UPF2: variants seen among roughly 807,000 people sequenced by gnomAD.
UPF2 encodes the protein UPF2 regulator of nonsense mediated mRNA decay.
UPF2 carries 17 observed loss-of-function variants against 141.4 expected under a neutral mutation model. That is an observed-to-expected ratio of 0.12 (90% CI 0.08 to 0.18). The LOEUF (loss-of-function observed/expected upper bound fraction) is 0.18. UPF2 is among the 10% of genes least tolerant of loss of function. The pLI is 1.00. For missense variants in UPF2, 1,152 were observed against 1,515.9 expected (o/e 0.76, Z 3.99); for synonymous variants, 540 against 498.0 (o/e 1.08, Z -1.12).
At chr10:11,996,631 A>T (rs1166425584) in intron 8 of UPF2, among the ~76,000 whole-genome samples, 1 of 152,226 alleles carries the variant, frequency 6.6e-6, no homozygotes, top group Non-Finnish European at 1.5e-5. Context: ...GGCCTGAGCC[A>T]CCGCGCCTGG....
chr10:11,985,871 A>C (rs1358141312), intron 8 of UPF2, among the ~76,000 whole-genome samples: 1 of 133,788 alleles, frequency 7.5e-6, no homozygotes, highest in Non-Finnish European at 1.5e-5. Context: ...ACTGAAAAAT[A>C]ATTAGATCCT....
intron 9 of UPF2, among the ~76,000 whole-genome samples, chr10:11,969,283 C>T (rs1029839101): frequency 2.6e-5 from 4 of 151,814 alleles, no homozygotes; most frequent in African/African-American, 9.7e-5. Flanking sequence ...GATTCTCCTG[C>T]CTCAGCCTCC....
chr10:11,960,532 C>T lies in UPF2; in HGVS notation c.2185-1176G>A, dbSNP rs139909409. On this transcript the variant is annotated intron_variant, in intron 11 of 21. Transcript: ENST00000357604. ...ACAGTAAGCTTTGATCATGTCACTG[C>T]ACTCCAGCCTGGGTGATGGAGTGAG... 3.4e-3 allele frequency among the ~76,000 whole-genome samples: 521 copies of T among 152,156 alleles called. 2 individuals are homozygous for T. Among genetic ancestry groups the T allele is most frequent in the Non-Finnish European group, 5.7e-3 (391 of 68,002 alleles).
intron 9 of UPF2, among the ~76,000 whole-genome samples, chr10:11,969,511 T>C (rs1467622307): frequency 1.3e-5 from 2 of 152,032 alleles, no homozygotes. Flanking sequence ...TACAAAATAG[T>C]TTTGCAATTA....
rs763365361 is a variant in UPF2, at chr10:11,935,394, G to A, written c.3546+1151C>T. ...ATACTTGTTAAATGACTGTGTAGAC[G>A]AATGTGGTATTGGACTTGTCTAAGA... On this transcript the variant is annotated intron_variant, in intron 19 of 21. Coordinates refer to ENST00000357604, the MANE Select transcript of UPF2 (RefSeq NM_015542.4). The surrounding 1 kb of genome is among the most constrained non-coding windows in gnomAD (Gnocchi z 4.9). 2.6e-5 allele frequency among the ~76,000 whole-genome samples: 4 copies of A among 151,908 alleles called. No individual in the cohort carries two copies. The highest frequency in any genetic ancestry group is 9.7e-5 in the African/African-American group (4 of 41,344).
Position 11,936,358 on chromosome 10 carries a change from C to T in UPF2, c.3546+187G>A, listed in dbSNP as rs1034906808. ...CCAGCCTGGGCGACAAAGTGAGACG[C>T]CGTCTCAAAAAAAACAAAAACAAAA... On this transcript the variant is annotated intron_variant, in intron 19 of 21. Transcript: ENST00000357604. This position sits in a 1 kb window ranked among gnomAD's most constrained non-coding sequence, Gnocchi z 6.6. 5.3e-5 allele frequency among the ~76,000 whole-genome samples: 8 copies of T among 151,418 alleles called. No individual in the cohort carries two copies. The highest frequency in any genetic ancestry group is 1.9e-4 in the African/African-American group (8 of 41,070).
intron 12 of UPF2, among the ~76,000 whole-genome samples, chr10:11,958,195 TA>T (rs1333957680): frequency 6.6e-6 from 1 of 152,158 alleles, no homozygotes. Context: ...TCTATTACAT[TA>T]AATTTTTTTA....
At chr10:12,021,780 G>A (rs1156933075) in intron 3 of UPF2, among the ~76,000 whole-genome samples, 1 of 152,120 alleles carries the variant, frequency 6.6e-6, no homozygotes, top group East Asian at 1.9e-4. Flanking sequence ...GAAGACCCCA[G>A]AAAAACTGCT....
rs1440307634 is a variant in UPF2, at chr10:11,998,299, T to C, written c.1759-542A>G. 6.6e-6 allele frequency among the ~76,000 whole-genome samples: 1 copy of C among 152,122 alleles called. No homozygotes were observed. The highest frequency in any genetic ancestry group is 2.4e-5 in the African/African-American group (1 of 41,418). The stretch of plus-strand genomic sequence containing the variant: ...AGATGCCTTAACTGACAGAGGAGAA[T>C]TCTTCCAAAAGAAACTCAACTGTCT... On this transcript the variant is annotated intron_variant, in intron 7 of 21. Transcript: ENST00000357604. The surrounding 1 kb of genome is among the most constrained non-coding windows in gnomAD (Gnocchi z 4.5).
Position 11,920,160 on chromosome 10 carries a change from A to T in UPF2, c.*1138T>A, listed in dbSNP as rs1401080639. The T allele has an allele frequency of 2.6e-5, 4 of 152,352 alleles. No individual in the cohort carries two copies. In the East Asian group the frequency reaches 5.8e-4, roughly 22 times the overall value. 9.4% of individuals were successfully genotyped at this position (152,352 alleles called of 1,614,324 possible). A position where few individuals can be genotyped will look rare whatever the true frequency, so the allele number is the denominator to read the frequency against. ...TAAATCTACATGCAGAAACTGAAAC[A>T]TGGTAAAAGAAAAAATGCAAAATAG... On this transcript the variant is annotated 3_prime_UTR_variant, in exon 22 of 22. Coordinates refer to ENST00000357604, the MANE Select transcript of UPF2 (RefSeq NM_015542.4).
Position 11,935,143 on chromosome 10 carries a change from TCCTA to T in UPF2, c.3546+1398_3546+1401del, listed in dbSNP as rs570508563. On this transcript the variant is annotated intron_variant, in intron 19 of 21. Coordinates refer to ENST00000357604, the MANE Select transcript of UPF2 (RefSeq NM_015542.4). This position sits in a 1 kb window ranked among gnomAD's most constrained non-coding sequence, Gnocchi z 4.9. ...CTTATTGTAGGGTCTTCCCTGATCA[TCCTA>T]CCTAAGAGGCAGCCTCCCTCTCCTG... 1.1e-3 allele frequency among the ~76,000 whole-genome samples: 164 copies of T among 152,230 alleles called. No individual in the cohort carries two copies. The highest frequency in any genetic ancestry group is 2.1e-3 in the Non-Finnish European group (143 of 67,992).
Position 11,929,853 on chromosome 10 carries a change from T to C in UPF2, c.3809+12A>G, listed in dbSNP as rs145351954. Reference sequence around the variant, plus strand: ...AAACAAACAGCTAAGGAAGGAGTAATGACTGCTTTACCTCCCACCAGTCTT... The same window carrying C: ...AAACAAACAGCTAAGGAAGGAGTAACGACTGCTTTACCTCCCACCAGTCTT... On this transcript the variant is annotated intron_variant, in intron 21 of 21. Transcript: ENST00000357604. 1.5e-4 allele frequency: 240 copies of C among 1,613,834 alleles called. No individual in the cohort carries two copies. In the African/African-American group the frequency reaches 2.7e-3, roughly 18 times the overall value.
At chr10:12,001,072 GTAAGTATC>G (rs1833943527) in intron 6 of UPF2, among the ~76,000 whole-genome samples, 1 of 152,138 alleles carries the variant, frequency 6.6e-6, no homozygotes, top group African/African-American at 2.4e-5. Flanking sequence ...TCAGAAAAGT[GTAAGTATC>G]TTTATTCTAT....
At chr10:12,026,065 A>T (rs987860420) in intron 3 of UPF2, among the ~76,000 whole-genome samples, 1 of 152,214 alleles carries the variant, frequency 6.6e-6, no homozygotes, top group African/African-American at 2.4e-5. Flanking sequence ...AAGTGCTGAC[A>T]TTACAGGCGT....
At chr10:12,040,338 C>T (rs1192016754) in intron 1 of UPF2, among the ~76,000 whole-genome samples, 1 of 152,164 alleles carries the variant, frequency 6.6e-6, no homozygotes, top group Non-Finnish European at 1.5e-5. Flanking sequence ...AGGAGAATCA[C>T]TTGAACCCGG....
At chr10:12,020,445 T>C (rs1834298479) in intron 3 of UPF2, among the ~76,000 whole-genome samples, 1 of 152,114 alleles carries the variant, frequency 6.6e-6, no homozygotes, top group Admixed American at 6.6e-5. Context: ...GAGACAGCGT[T>C]TCTCCATATT....
chr10:12,017,290 TAAC>T (rs766017561), intron 3 of UPF2, among the ~76,000 whole-genome samples: 1 of 152,212 alleles, frequency 6.6e-6, no homozygotes, highest in Non-Finnish European at 1.5e-5. Flanking sequence ...TTAATTCTCT[TAAC>T]AAGTTCTGAC....
At chr10:11,944,413 G>GA (rs1344601744) in intron 16 of UPF2, among the ~76,000 whole-genome samples, 1 of 152,144 alleles carries the variant, frequency 6.6e-6, no homozygotes, top group Non-Finnish European at 1.5e-5. Context: ...AGAATCACTG[G>GA]AATCTGGGAG....
intron 8 of UPF2, among the ~76,000 whole-genome samples, chr10:11,985,874 T>C (rs781359587): frequency 7.8e-6 from 1 of 128,676 alleles, no homozygotes; most frequent in South Asian, 2.8e-4. Context: ...GAAAAATAAT[T>C]AGATCCTTCC....
Sources: gnomAD v4.1 joint callset for allele counts (sites outside exome capture counted in the v4.1 genomes callset) on GRCh38, gnomAD v4.1.1 for gene constraint, Gnocchi (gnomAD v3.1) non-coding constraint, MANE v1.5 for transcripts, NCBI Gene and HGNC (gene_info 2026-07-23, HGNC 2026-07-21) for gene names.